RBFOX3: variants seen among roughly 807,000 people sequenced by gnomAD.
The protein encoded by RBFOX3 is RNA binding fox-1 homolog 3.
RBFOX3 carries 17 observed loss-of-function variants against 48.7 expected under a neutral mutation model. The ratio of observed to expected loss-of-function variants is 0.35; its 90% confidence interval spans 0.24 to 0.52. The LOEUF is 0.52. Ranked by LOEUF, RBFOX3 falls within the 20% of genes least tolerant of loss-of-function variation. The pLI is 0.94. For missense variants in RBFOX3, 382 were observed against 497.5 expected, an observed-to-expected ratio of 0.77 and a Z score of 2.21; for synonymous variants, 212 against 209.5, an observed-to-expected ratio of 1.01 and a Z score of -0.10.
intron 13 of RBFOX3, 91 bp downstream of exon 13, chr17:79,095,422 C>T (rs548909142): frequency 6.8e-6 from 8 of 1,182,734 alleles, no homozygotes; most frequent in Non-Finnish European, 9.6e-6. Context: ...GAGTGGGTTA[C>T]GCCTCCTGCC....
chr17:79,528,233 G>T (rs2087084134), intron 1 of RBFOX3, among the ~76,000 whole-genome samples: 2 of 152,006 alleles, frequency 1.3e-5, no homozygotes, highest in East Asian at 1.9e-4. Context: ...TGTCTCTGAG[G>T]AGGATCTTAG....
Position 79,097,312 on chromosome 17 carries a change from G to C in RBFOX3, c.735C>G (p.Pro245=), listed in dbSNP as rs911540420. 1.3e-4 allele frequency: 201 copies of C among 1,544,838 alleles called. No homozygotes were observed. Among genetic ancestry groups the C allele is most frequent in the Non-Finnish European group, 1.6e-4 (180 of 1,143,680 alleles). ...YNTFRAAPPP[P]PIPTYGAALE... is the part of the protein sequence containing the mutation. ...CTCACGCTCCGTAAGTCGGGATGGG[G>C]GGTGGGGGTGGCGCAGCCCGAAATG... The change falls in exon 11 of 15, where the codon CCC becomes CCG. Residue 245 remains proline, a synonymous_variant. Coordinates refer to ENST00000693108, the MANE Select transcript of RBFOX3 (RefSeq NM_001350451.2).
chr17:79,503,894 A>G (rs1367575386), intron 1 of RBFOX3, among the ~76,000 whole-genome samples: 1 of 152,220 alleles, frequency 6.6e-6, no homozygotes, highest in Non-Finnish European at 1.5e-5. Context: ...CTGGACCAGG[A>G]CGGGGATGCA....
At chr17:79,328,137 C>T (rs553795434) in intron 2 of RBFOX3, among the ~76,000 whole-genome samples, 28 of 152,314 alleles carry the variant, frequency 1.8e-4, no homozygotes, top group African/African-American at 6.7e-4. Context: ...AGGGCAGAGC[C>T]CGTGGGTGCA....
chr17:79,620,360 GAC>G, the RBFOX3 span, among the ~76,000 whole-genome samples: 7 of 111,260 alleles, frequency 6.3e-5, no homozygotes, highest in East Asian at 3.1e-4. Context: ...CACGGACATG[GAC>G]ACACACGGAC....
intron 2 of RBFOX3, among the ~76,000 whole-genome samples, chr17:79,475,933 C>T (rs547431127): frequency 1.2e-4 from 18 of 152,342 alleles, no homozygotes; most frequent in South Asian, 1.0e-3. Flanking sequence ...TTGGTGAGAA[C>T]GAAGAGCTAT....
chr17:79,092,618 G>C, intron 14 of RBFOX3: 1 of 987,390 alleles, frequency 1.0e-6, no homozygotes, highest in Non-Finnish European at 1.2e-6. Context: ...TGAAGCGGCT[G>C]TACCCTCCTC....
rs144019802 is a variant in RBFOX3, at chr17:79,254,272, C to T, written c.-73-18467G>A. On this transcript the variant is annotated intron_variant, in intron 3 of 14. Transcript: ENST00000693108. This position sits in a 1 kb window ranked among gnomAD's most constrained non-coding sequence, Gnocchi z 4.8. ...CAGGGCCCCTGAGGTCTGGAAGAGGCCAGCTGCTGCCCAGTCCTATTCCTG... is the reference window on the plus strand; with the variant it reads ...CAGGGCCCCTGAGGTCTGGAAGAGGTCAGCTGCTGCCCAGTCCTATTCCTG... 3.9e-3 allele frequency among the ~76,000 whole-genome samples: 596 copies of T among 152,308 alleles called. 6 individuals are homozygous for T. The highest frequency in any genetic ancestry group is 0.014 in the African/African-American group (572 of 41,562).
intron 1 of RBFOX3, among the ~76,000 whole-genome samples, chr17:79,542,233 A>C (rs1468404303): frequency 7.9e-5 from 12 of 152,312 alleles, no homozygotes; most frequent in African/African-American, 2.4e-4. Context: ...ACTCGAATTC[A>C]GACAGCTCAG....
intron 4 of RBFOX3, among the ~76,000 whole-genome samples, chr17:79,124,245 A>AAGAG (rs1258360662): frequency 6.6e-6 from 1 of 152,206 alleles, no homozygotes; most frequent in African/African-American, 2.4e-5. Flanking sequence ...TTTGTCACAG[A>AAGAG]AGAGAGGGTT....
In RBFOX3 at chr17:79,090,087, GGA is replaced by G. The variant is rs1372465398; in HGVS notation, c.*794_*795del. The G allele has an allele frequency of 1.3e-5, 2 of 152,356 alleles. No individual in the cohort carries two copies. The highest frequency in any genetic ancestry group is 4.8e-5 in the African/African-American group (2 of 41,476). The allele number at this position is 152,356 out of a possible 1,614,324, so 9.4% of individuals were successfully genotyped here. A position where few individuals can be genotyped will look rare whatever the true frequency, so the allele number is the denominator to read the frequency against. On this transcript the variant is annotated 3_prime_UTR_variant, in exon 15 of 15. Coordinates refer to ENST00000693108, the MANE Select transcript of RBFOX3 (RefSeq NM_001350451.2). Reference sequence around the variant, plus strand: ...CAGGCCCCGGGCCTCCTCCAGAAAGGGAGAGATGGCCAGGAAGAGCAAGTAAG... The same window carrying G: ...CAGGCCCCGGGCCTCCTCCAGAAAGGGAGATGGCCAGGAAGAGCAAGTAAG...
chr17:79,287,422 G>A (rs2072204117), intron 3 of RBFOX3, among the ~76,000 whole-genome samples: 2 of 152,320 alleles, frequency 1.3e-5, no homozygotes, highest in South Asian at 4.1e-4. Flanking sequence ...CATTGAGTGG[G>A]GGGTAGAGTG....
At chr17:79,358,352 C>T (rs1160824935) in intron 2 of RBFOX3, among the ~76,000 whole-genome samples, 1 of 152,226 alleles carries the variant, frequency 6.6e-6, no homozygotes, top group Non-Finnish European at 1.5e-5. Flanking sequence ...GATGCTCACG[C>T]CGTGGGGAGA....
At chr17:79,152,901 AG>A (rs1340775396) in intron 4 of RBFOX3, among the ~76,000 whole-genome samples, 4 of 152,198 alleles carry the variant, frequency 2.6e-5, no homozygotes, top group African/African-American at 9.6e-5. Context: ...GGGTGTTTAC[AG>A]GCTGCCAGCA....
intron 3 of RBFOX3, among the ~76,000 whole-genome samples, chr17:79,262,211 G>A (rs1000845977): frequency 2.0e-5 from 3 of 152,144 alleles, no homozygotes; most frequent in Admixed American, 2.0e-4. Flanking sequence ...AGCCCGAGAT[G>A]CGGCGGTTCT....
At chr17:79,646,350 G>C in the RBFOX3 span, among the ~76,000 whole-genome samples, 1 of 152,172 alleles carries the variant, frequency 6.6e-6, no homozygotes, top group African/African-American at 2.4e-5. Flanking sequence ...AAAGAAAAAT[G>C]AGTCCCATTG....
intron 4 of RBFOX3, among the ~76,000 whole-genome samples, chr17:79,126,319 T>C (rs1267518971): frequency 6.6e-6 from 1 of 152,146 alleles, no homozygotes; most frequent in Non-Finnish European, 1.5e-5. Flanking sequence ...CAGAGCCATC[T>C]CACCAAGAGC....
rs1361522127 is a variant in RBFOX3 at position 79,341,498 on chromosome 17, G to A, written c.-174-33674C>T. Reference sequence around the variant, plus strand: ...CGTGGGAGGCTGTTGCTGGGGGTCCGGCAATTACAGCACAGTGGCGGGTGT... The same window carrying A: ...CGTGGGAGGCTGTTGCTGGGGGTCCAGCAATTACAGCACAGTGGCGGGTGT... On this transcript the variant is annotated intron_variant, in intron 2 of 14. Coordinates refer to ENST00000693108, the MANE Select transcript of RBFOX3 (RefSeq NM_001350451.2). Among the ~76,000 whole-genome samples the A allele has an allele frequency of 5.9e-5, 9 of 152,152 alleles. No homozygotes were observed. In the East Asian group the frequency reaches 1.5e-3, roughly 26 times the overall value.
At chr17:79,208,847 G>A (rs561804778) in intron 4 of RBFOX3, among the ~76,000 whole-genome samples, 2 of 151,120 alleles carry the variant, frequency 1.3e-5, no homozygotes, top group South Asian at 2.1e-4. Context: ...ACGGAGTCTC[G>A]CTCCGTCGCC....
Sources: allele counts gnomAD v4.1 joint callset (sites outside exome capture counted in the v4.1 genomes callset), GRCh38; gene constraint gnomAD v4.1.1; non-coding constraint Gnocchi (gnomAD v3.1); transcripts MANE v1.5; gene names NCBI Gene and HGNC (gene_info 2026-07-23, HGNC 2026-07-21).